The following MAPRE2 variants were observed in gnomAD, a reference collection of about 807,000 sequenced individuals.
MAPRE2 encodes the protein microtubule-associated protein RP/EB family member 2.
Under a neutral mutation model 43.2 loss-of-function variants are expected in MAPRE2, and 13 were observed. The ratio of observed to expected loss-of-function variants is 0.30; its 90% CI spans 0.20 to 0.48. MAPRE2 has a LOEUF of 0.48. MAPRE2 is among the 20% of genes least tolerant of loss of function. The pLI is 0.99. For synonymous variants in MAPRE2, 135 were observed against 148.8 expected (o/e 0.91, Z 0.68); for missense variants, 161 against 400.2 (o/e 0.40, Z 5.10).
chr18:35,044,008 A>G (rs1335519509), intron 1 of MAPRE2, among the ~76,000 whole-genome samples: 1 of 152,214 alleles, frequency 6.6e-6, no homozygotes, highest in African/African-American at 2.4e-5. Flanking sequence ...GCAATTTGAA[A>G]GCGAAGAGTA....
At chr18:35,119,200 G>A (rs1397313119) in intron 4 of MAPRE2, among the ~76,000 whole-genome samples, 2 of 152,132 alleles carry the variant, frequency 1.3e-5, no homozygotes, top group Non-Finnish European at 2.9e-5. Flanking sequence ...TCTGACCTCC[G>A]TTCTTCTGGG....
At chr18:35,010,595 T>G (rs1219372185) in intron 2 of MAPRE2, among the ~76,000 whole-genome samples, 2 of 152,222 alleles carry the variant, frequency 1.3e-5, no homozygotes, top group Admixed American at 1.3e-4. Flanking sequence ...TTCATCAAGT[T>G]GCCTTATAAG....
At chr18:35,132,274 T>C (rs1569016465) in intron 6 of MAPRE2, 84 bp downstream of exon 6, 5 of 1,284,966 alleles carry the variant, frequency 3.9e-6, no homozygotes, top group Admixed American at 4.2e-5. Context: ...CTTAGAATAC[T>C]TCCCCAGGAC....
At chr18:35,100,498 A>G (rs1342907395) in intron 3 of MAPRE2, among the ~76,000 whole-genome samples, 1 of 152,244 alleles carries the variant, frequency 6.6e-6, no homozygotes, top group Non-Finnish European at 1.5e-5. Context: ...GTTCTACCTT[A>G]AAGACATATG....
At chr18:35,030,028 GAAAT>G in intron 2 of MAPRE2, among the ~76,000 whole-genome samples, 1 of 152,344 alleles carries the variant, frequency 6.6e-6, no homozygotes, top group East Asian at 1.9e-4. Flanking sequence ...CGCTTACTGA[GAAAT>G]AAAATAGCTA....
chr18:35,102,183 G>A (rs759540237), intron 4 of MAPRE2, 24 bp downstream of exon 4: 8 of 1,532,630 alleles, frequency 5.2e-6, no homozygotes, highest in African/African-American at 1.4e-5. Flanking sequence ...GAGATTGCGG[G>A]AGTTGCTTTC....
chr18:35,097,622 T>A (rs748407794), intron 3 of MAPRE2, 31 bp downstream of exon 3: 8 of 1,584,150 alleles, frequency 5.1e-6, no homozygotes, highest in Admixed American at 1.8e-5. Flanking sequence ...TAAAATGTGT[T>A]GTTTTTTCTT....
At chr18:35,030,464 T>A (rs1436651935) in intron 2 of MAPRE2, among the ~76,000 whole-genome samples, 1 of 152,194 alleles carries the variant, frequency 6.6e-6, no homozygotes, top group Non-Finnish European at 1.5e-5. Context: ...CTGGCAAGTG[T>A]GTTTGTGCTC....
chr18:35,070,467 T>C, intron 2 of MAPRE2, 145 bp downstream of exon 2: 2 of 626,248 alleles, frequency 3.2e-6, no homozygotes, highest in Non-Finnish European at 5.0e-6. Context: ...AAAACTCAGA[T>C]ATAACTAAAG....
chr18:35,067,578 A>C (rs1285000311), intron 1 of MAPRE2, among the ~76,000 whole-genome samples: 2 of 152,054 alleles, frequency 1.3e-5, no homozygotes, highest in Non-Finnish European at 2.9e-5. Flanking sequence ...ATTTTTTTTA[A>C]ATCATCTTGA....
At chr18:35,032,239 G>A (rs2097048166) in intron 2 of MAPRE2, among the ~76,000 whole-genome samples, 2 of 152,158 alleles carry the variant, frequency 1.3e-5, no homozygotes, top group Non-Finnish European at 1.5e-5. Flanking sequence ...CTGTATTTGA[G>A]GTGATAATGA....
chr18:35,035,739 C>T (rs2097050221), intron 2 of MAPRE2, among the ~76,000 whole-genome samples: 1 of 149,264 alleles, frequency 6.7e-6, no homozygotes, highest in Non-Finnish European at 1.5e-5. Flanking sequence ...TCCTATGGGC[C>T]CACTGAAATC....
intron 1 of MAPRE2, among the ~76,000 whole-genome samples, chr18:35,046,050 C>G (rs531019255): frequency 2.6e-5 from 4 of 152,228 alleles, no homozygotes; most frequent in South Asian, 2.1e-4. Flanking sequence ...AGATTGTCCT[C>G]TGGAATTCAG....
intron 4 of MAPRE2, among the ~76,000 whole-genome samples, chr18:35,113,707 A>G (rs1909283299): frequency 6.6e-6 from 1 of 152,174 alleles, no homozygotes; most frequent in Admixed American, 6.5e-5. Flanking sequence ...AGCCTGGGCA[A>G]CATGGCAAAA....
At chr18:35,106,053 T>TTCATC (rs1197261952) in intron 4 of MAPRE2, among the ~76,000 whole-genome samples, 1 of 152,156 alleles carries the variant, frequency 6.6e-6, no homozygotes, top group Non-Finnish European at 1.5e-5. Context: ...TCTGCTTTTG[T>TTCATC]TCATCTGAAA....
intron 2 of MAPRE2, among the ~76,000 whole-genome samples, chr18:35,022,498 T>C (rs2097042541): frequency 6.6e-6 from 1 of 152,192 alleles, no homozygotes; most frequent in Non-Finnish European, 1.5e-5. Flanking sequence ...TTAAATTGAA[T>C]CATGCTTTTG....
chr18:35,106,109 A>G (rs1431190447), intron 4 of MAPRE2, among the ~76,000 whole-genome samples: 4 of 152,172 alleles, frequency 2.6e-5, no homozygotes, highest in Non-Finnish European at 4.4e-5. Flanking sequence ...GAAAATTCAC[A>G]TATCTGTATC....
At chr18:34,994,873 A>G (rs904385264) in intron 1 of MAPRE2, among the ~76,000 whole-genome samples, 5 of 152,206 alleles carry the variant, frequency 3.3e-5, no homozygotes, top group Non-Finnish European at 7.3e-5. Flanking sequence ...CCTCAAACCC[A>G]GGGGATGATA....
chr18:35,002,722 A>G (rs1279115024), intron 1 of MAPRE2, among the ~76,000 whole-genome samples: 1 of 152,154 alleles, frequency 6.6e-6, no homozygotes, highest in Non-Finnish European at 1.5e-5. Flanking sequence ...CTTCAGTTAA[A>G]TGTCTGTTCA....
Sources: allele counts gnomAD v4.1 joint callset (sites outside exome capture counted in the v4.1 genomes callset), GRCh38; gene constraint gnomAD v4.1.1; transcripts MANE v1.5; gene names NCBI Gene and HGNC (gene_info 2026-07-23, HGNC 2026-07-21).